ADGRL3: variants seen among roughly 807,000 people sequenced by gnomAD.
The protein encoded by ADGRL3 is calcium-independent alpha-latrotoxin receptor 3.
A neutral mutation model predicts 153.5 loss-of-function variants in ADGRL3; 62 were observed. The observed-to-expected ratio is 0.40, with a 90% CI of 0.33 to 0.50. The LOEUF (loss-of-function observed/expected upper bound fraction) is 0.50, where lower values mean the gene tolerates loss of function less well. Ranked by LOEUF, ADGRL3 falls within the 20% of genes least tolerant of loss-of-function variation. The pLI is 0.47. For synonymous variants in ADGRL3, 710 were observed against 672.5 expected (o/e 1.06, Z -0.86); for missense variants, 1,641 against 1,859.4 (o/e 0.88, Z 2.16).
At chr4:61,254,042 C>T (rs541170771) in intron 1 of ADGRL3, among the ~76,000 whole-genome samples, 3 of 152,160 alleles carry the variant, frequency 2.0e-5, no homozygotes, top group East Asian at 3.9e-4. Context: ...GCAGTCAAGT[C>T]GCATTATCAA....
chr4:61,715,923 G>A (rs114301737), intron 6 of ADGRL3, among the ~76,000 whole-genome samples: 633 of 139,272 alleles, frequency 4.5e-3, no homozygotes, highest in Non-Finnish European at 6.8e-3. Context: ...AATTGGAAAA[G>A]GGAGAGTTTG....
chr4:61,788,263 C>G (rs2097300735), intron 8 of ADGRL3, among the ~76,000 whole-genome samples: 1 of 152,152 alleles, frequency 6.6e-6, no homozygotes, highest in African/African-American at 2.4e-5. Flanking sequence ...GCAATCAAAA[C>G]TACAACCAGG....
chr4:61,784,872 C>T (rs2097259402), intron 8 of ADGRL3, among the ~76,000 whole-genome samples: 1 of 152,094 alleles, frequency 6.6e-6, no homozygotes, highest in African/African-American at 2.4e-5. Context: ...GGCTTCACTG[C>T]TTTCTAGTTA....
intron 25 of ADGRL3, among the ~76,000 whole-genome samples, chr4:62,065,885 AC>A (rs1742726337): frequency 1.3e-5 from 2 of 152,028 alleles, no homozygotes; most frequent in African/African-American, 4.8e-5. Flanking sequence ...CTGTATTGAT[AC>A]AAATTTTTAT....
intron 1 of ADGRL3, among the ~76,000 whole-genome samples, chr4:61,370,747 C>G (rs928463559): frequency 6.6e-6 from 1 of 151,874 alleles, no homozygotes; most frequent in South Asian, 2.1e-4. Flanking sequence ...CTATTAGGTC[C>G]GCTTGGTGCA....
rs369139578 is a variant in ADGRL3, at chr4:61,761,293, G to C, written c.1399+27739G>C. Among the ~76,000 whole-genome samples, 49 of 152,336 alleles carry C rather than the reference G, an allele frequency of 3.2e-4. 1 individual carries two copies. Among genetic ancestry groups the C allele is most frequent in the African/African-American group, 1.2e-3 (48 of 41,568 alleles). ...AGGAAGTTTGTTTTGGGAAAGGGCTGTTATCATCTTTGTTTTAAATTATAA... is the reference window on the plus strand; with the variant it reads ...AGGAAGTTTGTTTTGGGAAAGGGCTCTTATCATCTTTGTTTTAAATTATAA... On this transcript the variant is annotated intron_variant, in intron 8 of 26. Transcript: ENST00000683033.
intron 1 of ADGRL3, among the ~76,000 whole-genome samples, chr4:61,354,399 T>TA (rs1417147439): frequency 6.6e-6 from 1 of 152,122 alleles, no homozygotes; most frequent in Non-Finnish European, 1.5e-5. Context: ...ATAAATTGTT[T>TA]AAAAAATATG....
At chr4:61,456,672 C>A (rs934293732) in intron 2 of ADGRL3, among the ~76,000 whole-genome samples, 1 of 150,954 alleles carries the variant, frequency 6.6e-6, no homozygotes, top group South Asian at 2.1e-4. Flanking sequence ...AAACCATGGG[C>A]GACCATTTTT....
intron 13 of ADGRL3, 79 bp from the exon 14 acceptor site, chr4:61,934,760 TG>T: frequency 9.1e-7 from 1 of 1,097,576 alleles, no homozygotes; most frequent in Non-Finnish European, 1.4e-6. Context: ...CCTTGCTTGC[TG>T]GGCAACATGT....
chr4:61,777,117 G>T (rs1470391518), intron 8 of ADGRL3, among the ~76,000 whole-genome samples: 1 of 152,246 alleles, frequency 6.6e-6, no homozygotes, highest in East Asian at 1.9e-4. Flanking sequence ...GGTGGATCAT[G>T]AGGTGAGGAG....
At chr4:61,503,286 T>C (rs1347765341) in intron 3 of ADGRL3, among the ~76,000 whole-genome samples, 1 of 152,156 alleles carries the variant, frequency 6.6e-6, no homozygotes, top group East Asian at 1.9e-4. Flanking sequence ...CTATGAGTGA[T>C]GTGTACATAT....
At chr4:61,554,613 CAG>C (rs1345021972) in intron 4 of ADGRL3, among the ~76,000 whole-genome samples, 1 of 152,058 alleles carries the variant, frequency 6.6e-6, no homozygotes, top group Non-Finnish European at 1.5e-5. Flanking sequence ...GAGAGGGAGA[CAG>C]AGGATAAAAT....
chr4:62,069,145 T>A (rs1052142539), intron 26 of ADGRL3, among the ~76,000 whole-genome samples: 7 of 152,180 alleles, frequency 4.6e-5, no homozygotes, highest in African/African-American at 1.7e-4. Context: ...TGCAAAAACC[T>A]TGAAGAAATA....
chr4:61,647,803 A>G (rs1409593134), intron 5 of ADGRL3, among the ~76,000 whole-genome samples: 2 of 152,126 alleles, frequency 1.3e-5, no homozygotes, highest in Non-Finnish European at 2.9e-5. Flanking sequence ...GAAAACATGC[A>G]TTTATTAATA....
intron 1 of ADGRL3, among the ~76,000 whole-genome samples, chr4:61,278,698 G>T (rs1474777521): frequency 6.6e-6 from 1 of 152,024 alleles, no homozygotes; most frequent in Non-Finnish European, 1.5e-5. Context: ...AGAGAATGGA[G>T]TTTCACCATG....
intron 1 of ADGRL3, among the ~76,000 whole-genome samples, chr4:61,273,364 T>C (rs2149824565): frequency 6.6e-6 from 1 of 152,288 alleles, no homozygotes; most frequent in African/African-American, 2.4e-5. Flanking sequence ...AGATGGCCGG[T>C]CCTGGATATG....
At chr4:61,514,388 G>T (rs1337215921) in intron 3 of ADGRL3, among the ~76,000 whole-genome samples, 1 of 152,184 alleles carries the variant, frequency 6.6e-6, no homozygotes, top group Non-Finnish European at 1.5e-5. Context: ...AGATTTATAA[G>T]TGTGCTGTTT....
intron 2 of ADGRL3, among the ~76,000 whole-genome samples, chr4:61,462,248 A>G (rs537846830): frequency 1.6e-4 from 25 of 152,192 alleles, no homozygotes; most frequent in Non-Finnish European, 3.1e-4. Flanking sequence ...TGGATCCACT[A>G]ATCTCTTACT....
intron 1 of ADGRL3, among the ~76,000 whole-genome samples, chr4:61,338,181 G>A (rs1375361769): frequency 6.6e-6 from 1 of 151,868 alleles, no homozygotes; most frequent in African/African-American, 2.4e-5. Flanking sequence ...TGAGGCGAGA[G>A]GATCGCTTGA....
Sources: gnomAD v4.1 joint callset for allele counts (sites outside exome capture counted in the v4.1 genomes callset) on GRCh38, gnomAD v4.1.1 for gene constraint, MANE v1.5 for transcripts, NCBI Gene and HGNC (gene_info 2026-07-23, HGNC 2026-07-21) for gene names.